The following FAT3 variants were observed in gnomAD, a reference collection of about 807,000 sequenced individuals.
FAT3 encodes protocadherin Fat 3.
Under a neutral mutation model 310.2 loss-of-function variants are expected in FAT3, and 95 were observed. That is an observed-to-expected ratio of 0.31 (90% CI 0.26 to 0.36). The LOEUF (loss-of-function observed/expected upper bound fraction) is 0.36, where lower values mean the gene tolerates loss of function less well. Ranked by LOEUF, FAT3 falls within the 10% of genes least tolerant of loss-of-function variation. FAT3 has a pLI of 1.00. For synonymous variants in FAT3, 2,314 were observed against 2,192.9 expected (o/e 1.06, Z -1.54); for missense variants, 5,408 against 5,715.6 (o/e 0.95, Z 1.74).
intron 2 of FAT3, among the ~76,000 whole-genome samples, chr11:92,439,204 A>G (rs1951014741): frequency 6.6e-6 from 1 of 152,162 alleles, no homozygotes; most frequent in South Asian, 2.1e-4. Context: ...GAAGGCCACA[A>G]AGTAATATAA....
In FAT3 at chr11:92,483,123, GA is replaced by G. The variant is rs1451617995; in HGVS notation, c.3293-41507del. Among the ~76,000 whole-genome samples the G allele has an allele frequency of 2.0e-5, 3 of 152,096 alleles. No homozygotes were observed. The East Asian group carries it at 5.8e-4, about 29-fold the overall frequency. On this transcript the variant is annotated intron_variant, in intron 2 of 27. Transcript: ENST00000525166. ...TTGTCATTTGGTAAAATGCATCACA[GA>G]AAACCACCATAGTGCTGATGCTTGG...
chr11:92,611,763 A>G (rs1940572102), intron 3 of FAT3, among the ~76,000 whole-genome samples: 1 of 152,224 alleles, frequency 6.6e-6, no homozygotes, highest in Non-Finnish European at 1.5e-5. Context: ...ATCAAATTGC[A>G]ATGATCTCAA....
chr11:92,587,598 C>A (rs1426846801), intron 3 of FAT3, among the ~76,000 whole-genome samples: 1 of 151,644 alleles, frequency 6.6e-6, no homozygotes, highest in Admixed American at 6.6e-5. Context: ...AAAATAAAAC[C>A]TTGAGTTTGA....
In FAT3 at chr11:92,890,919, G is replaced by T. The variant is rs2136448449; in HGVS notation, c.13576G>T (p.Glu4526Ter). ...TFAVSMNQGT[E>*]PTGPADSVSL... ...TGCTGTGAGCATGAACCAGGGCACA[G>T]AGCCCACAGGCCCAGCAGACAGCGT... The change falls in exon 28 of 28, where the codon GAG becomes TAG. Residue 4526 changes from glutamate to a stop codon, truncating the protein, a stop_gained. Transcript: ENST00000525166. LOFTEE classifies it high-confidence loss of function. 6.2e-7 allele frequency: 1 copy of T among 1,614,050 alleles called. No individual in the cohort carries two copies. Among genetic ancestry groups the T allele is most frequent in the Non-Finnish European group, 8.5e-7 (1 of 1,179,902 alleles).
intron 3 of FAT3, among the ~76,000 whole-genome samples, chr11:92,621,203 C>T (rs985818137): frequency 6.6e-6 from 1 of 152,112 alleles, no homozygotes; most frequent in African/African-American, 2.4e-5. Flanking sequence ...ATCGTGATCA[C>T]GTGTCTCCTT....
At chr11:92,587,866 C>T (rs1253739598) in intron 3 of FAT3, among the ~76,000 whole-genome samples, 4 of 151,924 alleles carry the variant, frequency 2.6e-5, no homozygotes, top group African/African-American at 9.7e-5. Context: ...ACTTTTTCCC[C>T]ATGTTAAGCC....
intron 7 of FAT3, among the ~76,000 whole-genome samples, chr11:92,788,179 G>A (rs1946944811): frequency 6.6e-6 from 1 of 152,086 alleles, no homozygotes; most frequent in Non-Finnish European, 1.5e-5. Context: ...CAGAAAGCAA[G>A]GAAGCTATCA....
intron 1 of FAT3, among the ~76,000 whole-genome samples, chr11:92,328,554 G>A (rs1947823911): frequency 6.6e-6 from 1 of 152,170 alleles, no homozygotes; most frequent in Admixed American, 6.5e-5. Context: ...AGGGTTATCT[G>A]CCTAGAAAGT....
rs755554072 is a variant in FAT3, at chr11:92,792,741, C to T, written c.4612-26C>T. The T allele has an allele frequency of 1.9e-6, 3 of 1,607,958 alleles. No homozygotes were observed. The Admixed American group carries it at 5.0e-5, about 27-fold the overall frequency. ...TCTTTGCAATTTAAAATTTGAGTCC[C>T]ACCACTTCTTGTATTTTGCCTAAAG... is the stretch of plus-strand genomic sequence containing the variant. On this transcript the variant is annotated intron_variant, in intron 8 of 27. Transcript: ENST00000525166.
chr11:92,382,215 T>C (rs1949511934), intron 2 of FAT3, among the ~76,000 whole-genome samples: 2 of 152,222 alleles, frequency 1.3e-5, no homozygotes, highest in South Asian at 4.1e-4. Context: ...TTTAATTTCC[T>C]CAAATTTGAA....
At position 92,896,086 on chromosome 11, in the gene FAT3, C is replaced by A. The variant is rs1196943671; in HGVS notation, c.*4973C>A. 1 of 151,702 alleles carries A rather than the reference C, an allele frequency of 6.6e-6. No individual in the cohort carries two copies. Among genetic ancestry groups the A allele is most frequent in the Non-Finnish European group, 1.5e-5 (1 of 67,962 alleles). The allele number at this position is 151,702 out of a possible 1,614,324, so 9.4% of individuals were successfully genotyped here. On this transcript the variant is annotated 3_prime_UTR_variant, in exon 28 of 28. Coordinates refer to ENST00000525166, the MANE Select transcript of FAT3 (RefSeq NM_001367949.2). ...ATTTGTAAAAAAGAATGTGTTTTGC[C>A]CAGTTATTAAGTATTTTATTTTTAT... is the stretch of plus-strand genomic sequence containing the variant.
At chr11:92,296,713 A>G (rs918341733) in intron 1 of FAT3, among the ~76,000 whole-genome samples, 11 of 152,094 alleles carry the variant, frequency 7.2e-5, no homozygotes, top group African/African-American at 2.4e-4. Flanking sequence ...AGCTGATCTC[A>G]GTGGTTAGCC....
intron 12 of FAT3, among the ~76,000 whole-genome samples, 158 bp from the exon 13 acceptor site, chr11:92,809,685 C>T (rs1236936062): frequency 6.6e-6 from 1 of 152,202 alleles, no homozygotes; most frequent in Non-Finnish European, 1.5e-5. Flanking sequence ...GACACATAAA[C>T]TGTTGAATTT....
chr11:92,749,203 C>G (rs890153832), intron 4 of FAT3: 1 of 152,112 alleles, frequency 6.6e-6, no homozygotes, highest in African/African-American at 2.4e-5. Context: ...CAGTTCTTCT[C>G]TTTTTTATTA....
chr11:92,254,780 A>G (rs1865251585), intron 1 of FAT3, among the ~76,000 whole-genome samples: 1 of 151,998 alleles, frequency 6.6e-6, no homozygotes, highest in Non-Finnish European at 1.5e-5. Context: ...ATCTCGGCTC[A>G]CTGCAACCTC....
chr11:92,311,004 G>GTA (rs539240037), intron 1 of FAT3, among the ~76,000 whole-genome samples: 81 of 150,508 alleles, frequency 5.4e-4, no homozygotes, highest in Non-Finnish European at 8.3e-4. Flanking sequence ...ATATGTGTAT[G>GTA]TATATATATA....
rs1322394337 is a variant in FAT3, at chr11:92,844,196, G to T, written c.10829G>T (p.Gly3610Val). ...SHDGKIIALG[G>V]LDSGKYVLNV... ...GATGGGAAAATCATCGCCCTGGGAGGCCTGGACAGCGGCAAGTATGTCCTG... is the reference window on the plus strand; with the variant it reads ...GATGGGAAAATCATCGCCCTGGGAGTCCTGGACAGCGGCAAGTATGTCCTG... Residue 3610 changes from glycine to valine, a missense_variant, in exon 19 of 28, where the codon GGC (glycine) becomes GTC (valine). By Grantham distance (109) the Gly-to-Val change is moderately radical (BLOSUM62 -3). This residue lies in a region of FAT3 where 4,588 missense variants were observed against 4,809.8 expected (regional missense o/e 0.95). Coordinates refer to ENST00000525166, the MANE Select transcript of FAT3 (RefSeq NM_001367949.2). 2 of 1,614,022 alleles carry T rather than the reference G, an allele frequency of 1.2e-6. No individual in the cohort carries two copies. Among genetic ancestry groups the T allele is most frequent in the East Asian group, 2.2e-5 (1 of 44,882 alleles).
chr11:92,289,957 T>C (rs1273698763), intron 1 of FAT3, among the ~76,000 whole-genome samples: 1 of 152,074 alleles, frequency 6.6e-6, no homozygotes. Context: ...ACCCTTTGTT[T>C]TTCTGACTTT....
intron 4 of FAT3, among the ~76,000 whole-genome samples, chr11:92,718,250 A>G (rs113906900): frequency 2.0e-5 from 3 of 152,334 alleles, no homozygotes; most frequent in South Asian, 2.1e-4. Flanking sequence ...CACCAAAAGT[A>G]TATGTAAAGG....
Sources: gnomAD v4.1 joint callset for allele counts (sites outside exome capture counted in the v4.1 genomes callset) on GRCh38, gnomAD v4.1.1 for gene constraint, gnomAD v4.1.1 regional missense constraint, MANE v1.5 for transcripts, NCBI Gene and HGNC (gene_info 2026-07-23, HGNC 2026-07-21) for gene names.